Variants in TBC1D32 observed in about 807,000 individuals in gnomAD.
The protein encoded by TBC1D32 is protein broad-minded.
In TBC1D32, 151 loss-of-function variants were observed where a neutral mutation model predicts 170.3. The observed-to-expected ratio is 0.89, with a 90% CI of 0.78 to 1.01. The LOEUF (loss-of-function observed/expected upper bound fraction) is 1.01, where lower values mean the gene tolerates loss of function less well. Ranked by LOEUF, TBC1D32 falls within the 50% of genes least tolerant of loss-of-function variation. The probability of loss-of-function intolerance (pLI) is 0.00; values close to 1 mark genes in which losing one functional copy is unlikely to be tolerated. For missense variants in TBC1D32, 1,464 were observed against 1,457.1 expected, an observed-to-expected ratio of 1.00 and a Z score of -0.08; for synonymous variants, 498 against 488.0, an observed-to-expected ratio of 1.02 and a Z score of -0.27.
At chr6:121,266,410 G>C (rs1800490258) in intron 15 of TBC1D32, among the ~76,000 whole-genome samples, 1 of 152,010 alleles carries the variant, frequency 6.6e-6, no homozygotes, top group Non-Finnish European at 1.5e-5. Context: ...AAAAGTCAAG[G>C]AACAACAGAT....
intron 3 of TBC1D32, among the ~76,000 whole-genome samples, chr6:121,312,040 T>C (rs760359475): frequency 5.3e-5 from 8 of 152,164 alleles, no homozygotes; most frequent in Non-Finnish European, 1.2e-4. Flanking sequence ...AAGGATGAGT[T>C]AATGTCCTTT....
Position 121,170,553 on chromosome 6 carries a change from A to G in TBC1D32, c.2571-9497T>C, listed in dbSNP as rs575930522. 5 of 1,473,146 alleles carry G rather than the reference A, an allele frequency of 3.4e-6. No homozygotes were observed. In the East Asian group the frequency reaches 1.2e-4, roughly 36 times the overall value. 91.3% of individuals were successfully genotyped at this position (1,473,146 alleles called of 1,614,324 possible). ...CTATATAAAAAAGAAAAATAAACGTAGATTGTGTAAAATATGTCCCAAAAG... is the reference window on the plus strand; with the variant it reads ...CTATATAAAAAAGAAAAATAAACGTGGATTGTGTAAAATATGTCCCAAAAG... On this transcript the variant is annotated intron_variant, in intron 22 of 31. Coordinates refer to ENST00000398212, the MANE Select transcript of TBC1D32 (RefSeq NM_152730.6).
intron 15 of TBC1D32, among the ~76,000 whole-genome samples, chr6:121,268,686 T>C (rs1472540500): frequency 6.6e-6 from 1 of 152,160 alleles, no homozygotes; most frequent in Non-Finnish European, 1.5e-5. Context: ...GAAAACGTTC[T>C]TCAGGATATT....
At chr6:121,086,477 G>A (rs913229445) in intron 31 of TBC1D32, among the ~76,000 whole-genome samples, 4 of 151,942 alleles carry the variant, frequency 2.6e-5, no homozygotes, top group African/African-American at 4.8e-5. Context: ...TTCTCAGTCC[G>A]ATCTTCATTT....
intron 12 of TBC1D32, 113 bp downstream of exon 12, chr6:121,291,940 G>C: frequency 1.8e-6 from 2 of 1,131,470 alleles, no homozygotes; most frequent in South Asian, 4.3e-5. Flanking sequence ...AGACTAAAAG[G>C]TATGTAGCTA....
intron 15 of TBC1D32, among the ~76,000 whole-genome samples, chr6:121,266,713 A>G (rs942491997): frequency 3.3e-5 from 5 of 152,154 alleles, no homozygotes; most frequent in Admixed American, 6.6e-5. Context: ...CACATACACC[A>G]TGGAATACTA....
At chr6:121,233,722 G>T (rs1796017172) in intron 20 of TBC1D32, among the ~76,000 whole-genome samples, 1 of 152,114 alleles carries the variant, frequency 6.6e-6, no homozygotes, top group South Asian at 2.1e-4. Flanking sequence ...ATAGTATTGA[G>T]ACGTGAGGTA....
chr6:121,293,423 G>C (rs928847950), intron 11 of TBC1D32, among the ~76,000 whole-genome samples: 1 of 152,060 alleles, frequency 6.6e-6, no homozygotes. Flanking sequence ...CTTGCTTTGA[G>C]TTAGATAAAG....
intron 21 of TBC1D32, among the ~76,000 whole-genome samples, chr6:121,208,729 G>GGAAAAAAA (rs1412318299): frequency 2.3e-5 from 2 of 86,898 alleles, no homozygotes; most frequent in Non-Finnish European, 4.7e-5. Context: ...GAAACACCTG[G>GGAAAAAAA]AAAAAAAAAA....
chr6:121,277,614 T>G (rs1392939434), intron 15 of TBC1D32, among the ~76,000 whole-genome samples: 1 of 150,142 alleles, frequency 6.7e-6, no homozygotes, highest in Non-Finnish European at 1.5e-5. Flanking sequence ...AAAGATGTGG[T>G]TTAGAGGGAA....
At position 121,311,290 on chromosome 6, in the gene TBC1D32, T is replaced by C. The variant is rs557822696; in HGVS notation, c.496-443A>G. On this transcript the variant is annotated intron_variant, in intron 3 of 31. Coordinates refer to ENST00000398212, the MANE Select transcript of TBC1D32 (RefSeq NM_152730.6). ...TCCTTAGCCTTTCTCCATAGTTCTT[T>C]GGTGAAAAAACTCCTGAAGTAAAAA... Among the ~76,000 whole-genome samples, 4 of 152,268 alleles carry C rather than the reference T, an allele frequency of 2.6e-5. No homozygotes were observed. The East Asian group carries it at 7.7e-4, about 29-fold the overall frequency.
intron 23 of TBC1D32, among the ~76,000 whole-genome samples, chr6:121,160,378 GT>G (rs11310157): frequency 0.17 from 25,565 of 151,668 alleles, 2,775 homozygotes; most frequent in African/African-American, 0.27. Context: ...AATTTACTGT[GT>G]TTTTTTTCAT....
At chr6:121,287,437 C>T (rs996053959) in intron 12 of TBC1D32, among the ~76,000 whole-genome samples, 1 of 152,092 alleles carries the variant, frequency 6.6e-6, no homozygotes, top group African/African-American at 2.4e-5. Flanking sequence ...GGGATCAATT[C>T]AACAAGAAGA....
intron 5 of TBC1D32, among the ~76,000 whole-genome samples, chr6:121,307,616 T>C (rs983780903): frequency 6.6e-6 from 1 of 152,128 alleles, no homozygotes; most frequent in East Asian, 1.9e-4. Flanking sequence ...TCCCAGCACT[T>C]TGGGAGGCCA....
At chr6:121,277,771 T>A (rs1802429788) in intron 15 of TBC1D32, among the ~76,000 whole-genome samples, 2 of 148,786 alleles carry the variant, frequency 1.3e-5, no homozygotes, top group Non-Finnish European at 1.5e-5. Flanking sequence ...AGAAGAGAAA[T>A]CAATAAAATT....
chr6:121,108,750 T>C (rs1294823985), intron 29 of TBC1D32, among the ~76,000 whole-genome samples: 1 of 152,056 alleles, frequency 6.6e-6, no homozygotes, highest in Non-Finnish European at 1.5e-5. Context: ...AAAAAACTAG[T>C]TCTACTTTGC....
At chr6:121,301,149 A>T (rs1359033960) in intron 9 of TBC1D32, among the ~76,000 whole-genome samples, 1 of 152,200 alleles carries the variant, frequency 6.6e-6, no homozygotes, top group Non-Finnish European at 1.5e-5. Context: ...TCAAGGATCT[A>T]GAACTAGAAA....
intron 20 of TBC1D32, among the ~76,000 whole-genome samples, chr6:121,225,885 A>G (rs1185530813): frequency 2.0e-5 from 3 of 152,134 alleles, no homozygotes; most frequent in Admixed American, 6.5e-5. Flanking sequence ...AACACACATT[A>G]TAAGATGTTG....
At chr6:121,151,634 C>T (rs1237682637) in intron 24 of TBC1D32, among the ~76,000 whole-genome samples, 1 of 152,148 alleles carries the variant, frequency 6.6e-6, no homozygotes, top group Non-Finnish European at 1.5e-5. Flanking sequence ...GTGTGTGAGT[C>T]TAAGTCTCTT....
Sources: gnomAD v4.1 joint callset for allele counts (sites outside exome capture counted in the v4.1 genomes callset) on GRCh38, gnomAD v4.1.1 for gene constraint, MANE v1.5 for transcripts, NCBI Gene and HGNC (gene_info 2026-07-23, HGNC 2026-07-21) for gene names.